FAT1: variants seen among roughly 807,000 people sequenced by gnomAD.
FAT1 encodes protocadherin Fat 1.
A neutral mutation model predicts 329.8 loss-of-function variants in FAT1; 171 were observed. The observed-to-expected ratio is 0.52, with a 90% CI of 0.46 to 0.59. FAT1 has a LOEUF of 0.59. Among genes scored for constraint, FAT1 ranks in the 20% least tolerant of loss-of-function variants. FAT1 has a pLI of 0.00. For missense variants in FAT1, 5,672 were observed against 5,774.4 expected (o/e 0.98, Z 0.57); for synonymous variants, 2,233 against 2,228.6 (o/e 1.00, Z -0.06).
chr4:186,625,514 A>G (rs190477810), intron 9 of FAT1, among the ~76,000 whole-genome samples: 1 of 152,366 alleles, frequency 6.6e-6, no homozygotes, highest in African/African-American at 2.4e-5. Context: ...TTTTTATTAC[A>G]TGATCTATAA....
Position 186,588,772 on chromosome 4 carries a change from C to T in FAT1, c.13587G>A (p.Ala4529=), listed in dbSNP as rs761495730. Residue 4529 remains alanine, a synonymous_variant, in exon 27 of 27, where the codon GCG becomes GCA. Coordinates refer to ENST00000441802, the MANE Select transcript of FAT1 (RefSeq NM_005245.4). ...ACATGGGCATGCTCTCGACAGCGGG[C>T]GCCTCGAAGTGTCTTTGATACCCTG... is the stretch of plus-strand genomic sequence containing the variant. The part of the protein sequence containing the change: ...YPPGYQRHFE[A]PAVESMPMSV... The T allele has an allele frequency of 1.9e-5, 30 of 1,613,960 alleles. No homozygotes were observed. Among genetic ancestry groups the T allele is most frequent in the South Asian group, 6.6e-5 (6 of 91,078 alleles).
chr4:186,716,221 A>C (rs1262565349), intron 1 of FAT1, among the ~76,000 whole-genome samples: 3 of 152,112 alleles, frequency 2.0e-5, no homozygotes, highest in Admixed American at 2.0e-4. Flanking sequence ...GGACATTATT[A>C]AACTTTTCAT....
At chr4:186,661,544 G>C (rs1166564880) in intron 3 of FAT1, among the ~76,000 whole-genome samples, 1 of 152,210 alleles carries the variant, frequency 6.6e-6, no homozygotes. Flanking sequence ...ACTCATCCAG[G>C]TGCCGGGAGG....
chr4:186,703,096 G>A (rs529271348), intron 2 of FAT1, among the ~76,000 whole-genome samples: 1 of 152,210 alleles, frequency 6.6e-6, no homozygotes, highest in African/African-American at 2.4e-5. Flanking sequence ...CACGTGGCAT[G>A]GATCTGTCAG....
Position 186,618,169 on chromosome 4 carries a change from C to T in FAT1, c.8417G>A (p.Ser2806Asn), listed in dbSNP as rs726575. 6,641 of 1,614,016 alleles carry T rather than the reference C, an allele frequency of 4.1e-3. 335 individuals carry two copies. In the Admixed American group the frequency reaches 0.097, roughly 24 times the overall value. ...SIQVKDANDN[S>N]PVFESSPYEA... ...ATATGGACTAGATTCAAAGACCGGG[C>T]TGTTGTCATTTGCATCTTTCACTTG... Residue 2806 changes from serine (S) to asparagine (N), a missense_variant, in exon 10 of 27, where the codon AGC becomes AAC. By Grantham distance (46) the Ser-to-Asn change is conservative (BLOSUM62 1). Around this residue, in one of 2 missense-constraint regions of FAT1, gnomAD observed 3,966 missense variants for 3,915.2 expected, o/e 1.01. Coordinates refer to ENST00000441802, the MANE Select transcript of FAT1 (RefSeq NM_005245.4).
rs2126500657 is a variant in FAT1, at chr4:186,618,952, C to T, written c.7634G>A (p.Arg2545Lys). 6.2e-7 allele frequency: 1 copy of T among 1,613,948 alleles called. No homozygotes were observed. Reference protein sequence around the residue: ...FAKDRFYINERGQIFTLEKLD... With the variant: ...FAKDRFYINEKGQIFTLEKLD... ...TTTTTCCAAAGTAAATATCTGTCCT[C>T]TCTCATTTATGTAAAATCTGTCTTT... Residue 2545 changes from arginine to lysine, a missense_variant, in exon 10 of 27, where the codon AGA becomes AAA. Around this residue, in one of 2 missense-constraint regions of FAT1, gnomAD observed 3,966 missense variants for 3,915.2 expected, o/e 1.01. Coordinates refer to ENST00000441802, the MANE Select transcript of FAT1 (RefSeq NM_005245.4).
intron 3 of FAT1, among the ~76,000 whole-genome samples, chr4:186,651,531 G>A (rs1269387143): frequency 1.3e-5 from 2 of 152,108 alleles, no homozygotes; most frequent in Non-Finnish European, 2.9e-5. Context: ...TGAGTATCAC[G>A]CCTGGTTCTG....
intron 2 of FAT1, among the ~76,000 whole-genome samples, chr4:186,694,637 G>C (rs1340472637): frequency 2.0e-5 from 3 of 152,110 alleles, no homozygotes; most frequent in Non-Finnish European, 4.4e-5. Context: ...TAAGTAAATT[G>C]CACCTCTCCA....
Position 186,619,770 on chromosome 4 carries a change from T to C in FAT1, c.6816A>G (p.Ile2272Met). 1 of 1,614,020 alleles carries C rather than the reference T, an allele frequency of 6.2e-7. No individual in the cohort carries two copies. Among genetic ancestry groups the C allele is most frequent in the Non-Finnish European group, 8.5e-7 (1 of 1,179,890 alleles). The change falls in exon 10 of 27, where the codon ATA becomes ATG. Residue 2272 changes from isoleucine (I) to methionine (M), a missense_variant. Around this residue, in one of 2 missense-constraint regions of FAT1, gnomAD observed 3,966 missense variants for 3,915.2 expected, o/e 1.01. Coordinates refer to ENST00000441802, the MANE Select transcript of FAT1 (RefSeq NM_005245.4). ...GAHAEVFVDI[I>M]VDDINDNPPV... ...GAGGGTTATCATTGATGTCGTCTAC[T>C]ATGATGTCCACAAATACTTCAGCAT...
rs1469002357 is a variant in FAT1 at position 186,707,903 on chromosome 4, C to T, written c.1925G>A (p.Ser642Asn). 6.2e-7 allele frequency: 1 copy of T among 1,613,874 alleles called. No homozygotes were observed. Among genetic ancestry groups the T allele is most frequent in the African/African-American group, 1.3e-5 (1 of 74,930 alleles). ...DGLGAKVSFH[S>N]LRITATDGEN... ...TCCATCTGTAGCTGTGATTCTCAGA[C>T]TGTGGAAAGACACCTTTGCACCTAA... The change falls in exon 2 of 27, where the codon AGT (serine) becomes AAT (asparagine). Residue 642 changes from serine to asparagine, a missense_variant. Ser to Asn is a conservative substitution (Grantham distance 46). Around this residue, in one of 2 missense-constraint regions of FAT1, gnomAD observed 3,966 missense variants for 3,915.2 expected, o/e 1.01. Coordinates refer to ENST00000441802, the MANE Select transcript of FAT1 (RefSeq NM_005245.4).
At chr4:186,666,692 A>T (rs1742452763) in intron 2 of FAT1, among the ~76,000 whole-genome samples, 1 of 152,260 alleles carries the variant, frequency 6.6e-6, no homozygotes, top group South Asian at 2.1e-4. Context: ...ACAAACAGTG[A>T]TAATTACAGA....
At chr4:186,688,761 G>A (rs982259794) in intron 2 of FAT1, among the ~76,000 whole-genome samples, 7 of 150,042 alleles carry the variant, frequency 4.7e-5, no homozygotes, top group African/African-American at 9.8e-5. Context: ...AACTCTTGAC[G>A]TGAAACTGAT....
chr4:186,714,047 T>G (rs1351143989), intron 1 of FAT1, among the ~76,000 whole-genome samples: 2 of 152,106 alleles, frequency 1.3e-5, no homozygotes, highest in African/African-American at 2.4e-5. Flanking sequence ...TTTTTAGGAC[T>G]TTAGAGTTTA....
intron 4 of FAT1, 61 bp from the exon 5 acceptor site, chr4:186,636,975 T>C: frequency 1.4e-6 from 2 of 1,417,620 alleles, no homozygotes; most frequent in Non-Finnish European, 1.9e-6. Context: ...AGTGAGCATC[T>C]TCTTCCTCAT....
chr4:186,669,176 A>G (rs1742613112), intron 2 of FAT1, among the ~76,000 whole-genome samples: 1 of 152,056 alleles, frequency 6.6e-6, no homozygotes, highest in Non-Finnish European at 1.5e-5. Context: ...GAAAGCAAAC[A>G]CAGCATGCGG....
chr4:186,590,716 T>C (rs1425644603), intron 26 of FAT1: 2 of 454,922 alleles, frequency 4.4e-6, no homozygotes, highest in Non-Finnish European at 4.4e-6. Flanking sequence ...AGAATTTCCT[T>C]AGGAATAATG....
Position 186,692,216 on chromosome 4 carries a change from TTAA to T in FAT1, c.3265+14344_3265+14346del, listed in dbSNP as rs1743802842. ...CAACTTACCACAGAGCACTTTCCTA[TTAA>T]CTGTTGCACATACGTCCCGTAACAA... On this transcript the variant is annotated intron_variant, in intron 2 of 26. Transcript: ENST00000441802. Among the ~76,000 whole-genome samples the T allele has an allele frequency of 2.0e-5, 3 of 152,268 alleles. No individual in the cohort carries two copies. The South Asian group carries it at 6.2e-4, about 31-fold the overall frequency.
intron 2 of FAT1, among the ~76,000 whole-genome samples, chr4:186,677,738 T>G (rs1310211857): frequency 6.6e-6 from 1 of 152,146 alleles, no homozygotes; most frequent in Non-Finnish European, 1.5e-5. Context: ...CACTATTTTA[T>G]GCAAACAGGA....
At position 186,723,674 on chromosome 4, in the gene FAT1, G is replaced by C. The variant is rs1036751469; in HGVS notation, c.-29C>G. The C allele has an allele frequency of 2.0e-5, 3 of 151,218 alleles. No homozygotes were observed. The highest frequency in any genetic ancestry group is 6.6e-5 in the Admixed American group (1 of 15,200). The allele number at this position is 151,218 out of a possible 1,614,324, so 9.4% of individuals were successfully genotyped here. On this transcript the variant is annotated 5_prime_UTR_variant, in exon 1 of 27. Coordinates refer to ENST00000441802, the MANE Select transcript of FAT1 (RefSeq NM_005245.4). ...CCCCAGCGAACTAACCGCAAAGTTG[G>C]CCCGAAGTGGCGACGGCGCTCTCGT...
Sources: allele counts gnomAD v4.1 joint callset (sites outside exome capture counted in the v4.1 genomes callset), GRCh38; gene constraint gnomAD v4.1.1; regional missense constraint gnomAD v4.1.1; transcripts MANE v1.5; gene names NCBI Gene and HGNC (gene_info 2026-07-23, HGNC 2026-07-21).